The following SLC22A4 variants were observed in gnomAD, a reference collection of about 807,000 sequenced individuals.
SLC22A4 encodes the protein ET transporter.
A neutral mutation model predicts 56.6 loss-of-function variants in SLC22A4; 39 were observed. The observed-to-expected ratio is 0.69, with a 90% CI of 0.53 to 0.90. The LOEUF (loss-of-function observed/expected upper bound fraction) is 0.90, where lower values mean the gene tolerates loss of function less well. Ranked by LOEUF, SLC22A4 falls within the 40% of genes least tolerant of loss-of-function variation. The pLI, the probability that SLC22A4 is intolerant of heterozygous loss-of-function variation, is 0.00. For missense variants in SLC22A4, 594 were observed against 696.5 expected, an observed-to-expected ratio of 0.85 and a Z score of 1.66; for synonymous variants, 241 against 281.4, an observed-to-expected ratio of 0.86 and a Z score of 1.44.
chr5:132,305,489 G>A (rs1030801427), intron 1 of SLC22A4, among the ~76,000 whole-genome samples: 3 of 152,070 alleles, frequency 2.0e-5, no homozygotes, highest in African/African-American at 7.2e-5. Context: ...GATATATCAT[G>A]GTAAAACTGC....
intron 6 of SLC22A4, among the ~76,000 whole-genome samples, chr5:132,332,964 G>A (rs1189830341): frequency 6.6e-6 from 1 of 152,142 alleles, no homozygotes; most frequent in East Asian, 1.9e-4. Context: ...GGGTAGTGGT[G>A]CTACTAAGCT....
intron 1 of SLC22A4, among the ~76,000 whole-genome samples, chr5:132,307,707 G>T (rs2126706236): frequency 6.6e-6 from 1 of 152,270 alleles, no homozygotes; most frequent in South Asian, 2.1e-4. Context: ...GAAGAAGCAG[G>T]CTAATAGAGG....
At chr5:132,314,187 G>A (rs1750267485) in intron 3 of SLC22A4, among the ~76,000 whole-genome samples, 1 of 152,190 alleles carries the variant, frequency 6.6e-6, no homozygotes, top group Admixed American at 6.5e-5. Flanking sequence ...GTACACAGGT[G>A]GGGAGGCTCA....
chr5:132,294,527 C>T lies in SLC22A4; in HGVS notation c.-90C>T. ...TGCCTGTCCCCCGGGAACGTTCTAACATCCTTGGGGAGCGCCCCAGCTACA... is the reference window on the plus strand; with the variant it reads ...TGCCTGTCCCCCGGGAACGTTCTAATATCCTTGGGGAGCGCCCCAGCTACA... On this transcript the variant is annotated 5_prime_UTR_variant, in exon 1 of 10. Transcript: ENST00000200652. This position sits in a 1 kb window ranked among gnomAD's most constrained non-coding sequence, Gnocchi z 5.6. 8.9e-6 allele frequency: 14 copies of T among 1,578,680 alleles called. No individual in the cohort carries two copies. Among genetic ancestry groups the T allele is most frequent in the Admixed American group, 5.0e-5 (3 of 59,676 alleles).
At chr5:132,326,948 A>G (rs1398927245) in intron 4 of SLC22A4, among the ~76,000 whole-genome samples, 1 of 152,240 alleles carries the variant, frequency 6.6e-6, no homozygotes, top group East Asian at 1.9e-4. Flanking sequence ...TCTAGTAGCT[A>G]TGTTTCTTTT....
chr5:132,296,740 T>C lies in SLC22A4; in HGVS notation c.393+1731T>C, dbSNP rs148073693. On this transcript the variant is annotated intron_variant, in intron 1 of 9. Transcript: ENST00000200652. The stretch of plus-strand genomic sequence containing the variant: ...CTCATCCCGCGTCGATTCCTGGAAG[T>C]GTTATCAGTGCCTGTTATGGAGGCT... Among the ~76,000 whole-genome samples, 871 of 152,282 alleles carry C rather than the reference T, an allele frequency of 5.7e-3. 9 individuals carry two copies. The highest frequency in any genetic ancestry group is 0.02 in the African/African-American group (845 of 41,540).
intron 2 of SLC22A4, 69 bp downstream of exon 2, chr5:132,312,333 A>ACTGAATTCTGGGTAGAAATACC: frequency 1.0e-6 from 1 of 1,001,530 alleles, no homozygotes; most frequent in Non-Finnish European, 1.6e-6. Flanking sequence ...TTGGGGCTGG[A>ACTGAATTCTGGGTAGAAATACC]CTGAATTCAG....
intron 8 of SLC22A4, among the ~76,000 whole-genome samples, chr5:132,339,408 A>G (rs1437948212): frequency 1.3e-5 from 2 of 151,256 alleles, no homozygotes; most frequent in African/African-American, 4.9e-5. Context: ...CTCATTAAGG[A>G]CTCTACTGGT....
In SLC22A4 at chr5:132,294,430, G is replaced by A. The variant is rs2126693919; in HGVS notation, c.-187G>A. The A allele has an allele frequency of 1.4e-6, 1 of 732,992 alleles. No individual in the cohort carries two copies. The highest frequency in any genetic ancestry group is 2.7e-5 in the East Asian group (1 of 37,066). 45.4% of individuals were successfully genotyped at this position (732,992 alleles called of 1,614,324 possible). ...GGCATCAAGCTCAGCGCGAGCTCCC[G>A]GGAACGCTCCAACGCCTTCAGCCTG... On this transcript the variant is annotated 5_prime_UTR_variant, in exon 1 of 10. Transcript: ENST00000200652. This position sits in a 1 kb window ranked among gnomAD's most constrained non-coding sequence, Gnocchi z 5.6.
At chr5:132,307,954 T>G (rs567579010) in intron 1 of SLC22A4, among the ~76,000 whole-genome samples, 5 of 152,250 alleles carry the variant, frequency 3.3e-5, no homozygotes, top group Non-Finnish European at 7.3e-5. Flanking sequence ...GTGATACTCC[T>G]CAGCCCAAGA....
intron 1 of SLC22A4, among the ~76,000 whole-genome samples, chr5:132,296,577 C>A (rs1391249152): frequency 6.6e-6 from 1 of 152,254 alleles, no homozygotes; most frequent in African/African-American, 2.4e-5. Flanking sequence ...CCTTTGGATC[C>A]CCCAGCATTG....
At chr5:132,297,762 T>G (rs979211735) in intron 1 of SLC22A4, among the ~76,000 whole-genome samples, 1 of 151,144 alleles carries the variant, frequency 6.6e-6, no homozygotes, top group Non-Finnish European at 1.5e-5. Context: ...CTGGGCAACA[T>G]AGTAAGACCC....
chr5:132,325,850 G>A (rs538335111), intron 4 of SLC22A4, among the ~76,000 whole-genome samples: 15 of 152,246 alleles, frequency 9.9e-5, no homozygotes, highest in African/African-American at 3.6e-4. Flanking sequence ...GGCAGAAGAC[G>A]CTTTCCATAA....
intron 1 of SLC22A4, among the ~76,000 whole-genome samples, chr5:132,300,837 G>C (rs1474981155): frequency 6.6e-6 from 1 of 152,222 alleles, no homozygotes; most frequent in Non-Finnish European, 1.5e-5. Context: ...GCAGGGACTG[G>C]TGGGACCTGG....
rs764601594 is a variant in SLC22A4 at position 132,295,006 on chromosome 5, C to G, written c.390C>G (p.Thr130=). The G allele has an allele frequency of 6.2e-6, 10 of 1,604,982 alleles. No homozygotes were observed. Among genetic ancestry groups the G allele is most frequent in the Non-Finnish European group, 7.6e-6 (9 of 1,176,478 alleles). ...ACGTCTACCTGTCCACCGTCGTGAC[C>G]GAGGTGGGTGCCAGGCCGAGACCGT... ...SQDVYLSTVV[T]EWNLVCEDNW... is the part of the protein sequence containing the mutation. Residue 130 remains threonine (T), a synonymous_variant, in exon 1 of 10, where the codon ACC becomes ACG. Coordinates refer to ENST00000200652, the MANE Select transcript of SLC22A4 (RefSeq NM_003059.3).
intron 3 of SLC22A4, among the ~76,000 whole-genome samples, chr5:132,320,123 A>G (rs975693768): frequency 3.3e-5 from 5 of 152,228 alleles, no homozygotes; most frequent in Non-Finnish European, 7.3e-5. Context: ...AGAGAGACCT[A>G]CAAAGTCTCT....
At chr5:132,310,048 C>T (rs1750143303) in intron 1 of SLC22A4, among the ~76,000 whole-genome samples, 1 of 152,228 alleles carries the variant, frequency 6.6e-6, no homozygotes. Flanking sequence ...GTGATGGAGG[C>T]CTTCTACTCC....
chr5:132,305,214 T>C (rs1749997115), intron 1 of SLC22A4, among the ~76,000 whole-genome samples: 1 of 151,992 alleles, frequency 6.6e-6, no homozygotes, highest in Non-Finnish European at 1.5e-5. Context: ...AGATAGAGGA[T>C]TGGAAATTAT....
intron 1 of SLC22A4, among the ~76,000 whole-genome samples, chr5:132,309,465 G>A (rs557218255): frequency 2.0e-5 from 3 of 152,348 alleles, no homozygotes; most frequent in African/African-American, 7.2e-5. Context: ...AGGGCTTCTT[G>A]GGCCCCTCTT....
Sources: allele counts gnomAD v4.1 joint callset (sites outside exome capture counted in the v4.1 genomes callset), GRCh38; gene constraint gnomAD v4.1.1; non-coding constraint Gnocchi (gnomAD v3.1); transcripts MANE v1.5; gene names NCBI Gene and HGNC (gene_info 2026-07-23, HGNC 2026-07-21).